Variants in PINLYP observed in about 807,000 individuals in gnomAD.
PINLYP encodes the protein phospholipase A2 inhibitor and LY6/PLAUR domain containing, also known as phospholipase A2 inhibitor and Ly6/PLAUR domain-containing protein.
In PINLYP, 12 loss-of-function variants were observed where a neutral mutation model predicts 15.8. The ratio of observed to expected loss-of-function variants is 0.76; its 90% CI spans 0.49 to 1.23. The LOEUF (loss-of-function observed/expected upper bound fraction) is 1.23. Ranked by LOEUF, PINLYP falls within the 50% of genes most tolerant of loss-of-function variation. The pLI is 0.00. For missense variants in PINLYP, 278 were observed against 264.2 expected (o/e 1.05, Z -0.36); for synonymous variants, 93 against 97.7 (o/e 0.95, Z 0.28).
chr19:43,581,799 G>T, intron 5 of PINLYP, 69 bp from the exon 6 acceptor site: 3 of 1,534,004 alleles, frequency 2.0e-6, no homozygotes, highest in Non-Finnish European at 2.6e-6. Context: ...AGTGGGTGAG[G>T]ATGTGTTCTG....
chr19:43,578,976 C>T, intron 3 of PINLYP: 1 of 361,418 alleles, frequency 2.8e-6, no homozygotes, highest in Non-Finnish European at 5.3e-6. Context: ...AATAGACTTT[C>T]TTAGGCAGAA....
At chr19:43,578,093 G>A (rs950301072) in intron 2 of PINLYP, among the ~76,000 whole-genome samples, 4 of 151,934 alleles carry the variant, frequency 2.6e-5, no homozygotes, top group Admixed American at 6.6e-5. Flanking sequence ...TCAGAACCAA[G>A]AAGTTCAAGT....
At chr19:43,576,371 G>T (rs1487455120) in exon 1 of PINLYP, among the ~76,000 whole-genome samples, 3 of 151,332 alleles carry the variant, frequency 2.0e-5, no homozygotes, top group Admixed American at 6.6e-5. Flanking sequence ...ACGCGCGCGC[G>T]CACGCGCGAA....
Position 43,578,691 on chromosome 19 carries a change from G to A in PINLYP, c.172G>A (p.Gly58Arg), listed in dbSNP as rs148088184. ...CAAGGACACATGTGTGCTCCTGGTC[G>A]GGAAGGCTACTTCAAGTAAGAGGAT... Residue 58 changes from glycine (G) to arginine (R), a missense_variant, in exon 3 of 6, where the codon GGG becomes AGG. Coordinates refer to ENST00000599207, the Ensembl canonical transcript of PINLYP. The A allele has an allele frequency of 3.4e-5, 52 of 1,535,742 alleles. No homozygotes were observed. The African/African-American group carries it at 4.4e-4, about 13-fold the overall frequency.
chr19:43,575,632 C>T (rs1272320187), upstream of PINLYP: 1 of 515,886 alleles, frequency 1.9e-6, no homozygotes, highest in Non-Finnish European at 3.5e-6. Flanking sequence ...ACTGCGCAAG[C>T]CCAGTCGCGC....
chr19:43,582,018 A>C (rs1972942501), exon 6 of PINLYP: 2 of 1,535,532 alleles, frequency 1.3e-6, no homozygotes, highest in African/African-American at 1.4e-5. Context: ...ATCTGAACAG[A>C]GGAAGATAAT....
In PINLYP at chr19:43,581,583, G is replaced by T; in HGVS notation, c.361G>T (p.Glu121Ter). 1 of 1,536,252 alleles carries T rather than the reference G, an allele frequency of 6.5e-7. No individual in the cohort carries two copies. The highest frequency in any genetic ancestry group is 8.7e-7 in the Non-Finnish European group (1 of 1,146,856). The change falls in exon 5 of 6, where the codon GAG (glutamate) becomes TAG (stop). Residue 121 changes from glutamate (E) to a stop codon, truncating the protein, a stop_gained. Transcript: ENST00000599207. LOFTEE classifies it high-confidence loss of function. ...CTCAGTTCCCTTGACCAATCTTACT[G>T]AGAATGGCCTGATGTGCCCCGCCTG...
At chr19:43,580,815 C>A (rs1258281847) in intron 3 of PINLYP, 2 of 623,094 alleles carry the variant, frequency 3.2e-6, no homozygotes, top group Non-Finnish European at 2.0e-6. Context: ...GAGACCGCCC[C>A]GGCCGGGCTG....
In PINLYP at chr19:43,578,724, G is replaced by A; in HGVS notation, c.187+18G>A. 3 of 1,520,722 alleles carry A rather than the reference G, an allele frequency of 2.0e-6. No homozygotes were observed. Among genetic ancestry groups the A allele is most frequent in the Non-Finnish European group, 2.6e-6 (3 of 1,133,150 alleles). 94.2% of individuals were successfully genotyped at this position (1,520,722 alleles called of 1,614,324 possible). A position where few individuals can be genotyped will look rare whatever the true frequency, so the allele number is the denominator to read the frequency against. On this transcript the variant is annotated intron_variant, in intron 3 of 5. Coordinates refer to ENST00000599207, the Ensembl canonical transcript of PINLYP. ...TACTTCAAGTAAGAGGATGTGGCCT[G>A]GGACCTGGTGGGGAGGTGGGGTGTA...
In PINLYP at chr19:43,581,949, C is replaced by T; in HGVS notation, c.563C>T (p.Thr188Ile). ...ACCAAGCCTGGTGCTGAAGTACCCA[C>T]AGGCACCAATGTCCTCTTCCTCCAT... is the stretch of plus-strand genomic sequence containing the variant. The change falls in exon 6 of 6, where the codon ACA (threonine) becomes ATA (isoleucine). Residue 188 changes from threonine (T) to isoleucine (I), a missense_variant. By Grantham distance (89) the Thr-to-Ile change is moderately conservative. Transcript: ENST00000599207. The T allele has an allele frequency of 6.5e-7, 1 of 1,536,460 alleles. No homozygotes were observed. The highest frequency in any genetic ancestry group is 8.7e-7 in the Non-Finnish European group (1 of 1,146,900).
intron 3 of PINLYP, chr19:43,578,928 G>A: frequency 2.1e-6 from 1 of 470,254 alleles, no homozygotes; most frequent in Non-Finnish European, 4.0e-6. Flanking sequence ...AAATGACACT[G>A]TCCTAAAGAG....
At chr19:43,575,739 T>A (rs1040489977), upstream of PINLYP, 2 of 357,902 alleles carry the variant, frequency 5.6e-6, no homozygotes, top group African/African-American at 4.2e-5. Flanking sequence ...TAGCCTCGCC[T>A]CCCAATGACG....
chr19:43,575,513 A>G, upstream of PINLYP: 3 of 1,503,608 alleles, frequency 2.0e-6, no homozygotes, highest in African/African-American at 1.4e-5. Flanking sequence ...ATGGGGTCCG[A>G]GGGGCAGGGA....
chr19:43,581,920 C>A lies in PINLYP; in HGVS notation c.534C>A (p.Cys178Ter). 1 of 1,536,590 alleles carries A rather than the reference C, an allele frequency of 6.5e-7. No homozygotes were observed. The change falls in exon 6 of 6, where the codon TGC becomes TGA. Residue 178 changes from cysteine to a stop codon, truncating the protein, a stop_gained. Transcript: ENST00000599207. LOFTEE classifies it low-confidence loss of function (END_TRUNC). ...GGGGCTGTGCTACAGAGAGTATGTG[C>A]TTTACCAAGCCTGGTGCTGAAGTAC...
chr19:43,580,449 G>T, intron 3 of PINLYP: 2 of 825,508 alleles, frequency 2.4e-6, no homozygotes, highest in East Asian at 1.2e-4. Flanking sequence ...CAGGATCTGA[G>T]AGAGGAGGAT....
At chr19:43,576,873 G>C (rs1437705023) in exon 1 of PINLYP, 3 of 351,802 alleles carry the variant, frequency 8.5e-6, no homozygotes, top group Middle Eastern at 1.6e-3. Context: ...GCCCAACTCC[G>C]TCTTGGTCTT....
chr19:43,581,328 T>A lies in PINLYP; in HGVS notation c.304T>A (p.Cys102Ser), dbSNP rs749689588. The stretch of plus-strand genomic sequence containing the variant: ...CCACATGGTAACCAGCTCCTTCTGC[T>A]GCCAGAGCGACGGCTGCAACAGTGC... Residue 102 changes from cysteine to serine, a missense_variant, in exon 4 of 6, where the codon TGC (cysteine) becomes AGC (serine). Physicochemically the swap from Cys to Ser is moderately radical, Grantham distance 112. Coordinates refer to ENST00000599207, the Ensembl canonical transcript of PINLYP. 8.0e-5 allele frequency: 123 copies of A among 1,536,832 alleles called. No homozygotes were observed. The highest frequency in any genetic ancestry group is 1.0e-4 in the Non-Finnish European group (119 of 1,146,956).
rs1343421294 is a variant in PINLYP at position 43,577,106 on chromosome 19, TC to T, written c.-77-5del. 1 of 1,534,788 alleles carries T rather than the reference TC, an allele frequency of 6.5e-7. No individual in the cohort carries two copies. Among genetic ancestry groups the T allele is most frequent in the Admixed American group, 2.0e-5 (1 of 50,890 alleles). On this transcript the variant is annotated splice_polypyrimidine_tract_variant and splice_region_variant and intron_variant, in intron 1 of 5. Coordinates refer to ENST00000599207, the Ensembl canonical transcript of PINLYP. The stretch of plus-strand genomic sequence containing the variant: ...CCTGGGTTCTGACCTCAGCTATTTC[TC>T]CCCGTAGGGTGAATGTGGGTCCAGA...
At chr19:43,577,353 C>T in intron 2 of PINLYP, 92 bp downstream of exon 2, 1 of 1,240,698 alleles carries the variant, frequency 8.1e-7, no homozygotes, top group South Asian at 1.7e-5. Context: ...GAGAAAGAGC[C>T]TTCAGCAAGT....
Sources: allele counts gnomAD v4.1 joint callset (sites outside exome capture counted in the v4.1 genomes callset), GRCh38; gene constraint gnomAD v4.1.1; transcripts MANE v1.5; gene names NCBI Gene and HGNC (gene_info 2026-07-23, HGNC 2026-07-21).